Variants in TNFRSF19 observed in about 807,000 individuals in gnomAD.
TNFRSF19 encodes tumor necrosis factor receptor superfamily member 19.
Under a neutral mutation model 46.4 loss-of-function variants are expected in TNFRSF19, and 27 were observed. The ratio of observed to expected loss-of-function variants is 0.58; its 90% confidence interval spans 0.43 to 0.80. The LOEUF (loss-of-function observed/expected upper bound fraction) is 0.80. TNFRSF19 is among the 30% of genes least tolerant of loss of function. The pLI, the probability that TNFRSF19 is intolerant of heterozygous loss-of-function variation, is 0.00. For missense variants in TNFRSF19, 511 were observed against 530.8 expected (o/e 0.96, Z 0.37); for synonymous variants, 204 against 205.0 (o/e 1.00, Z 0.04).
chr13:23,610,994 C>T (rs957953260), intron 3 of TNFRSF19, among the ~76,000 whole-genome samples: 1 of 152,014 alleles, frequency 6.6e-6, no homozygotes, highest in African/African-American at 2.4e-5. Context: ...GCATTTCTAC[C>T]ATTGATATTA....
chr13:23,610,634 A>G (rs1318277680), intron 3 of TNFRSF19, among the ~76,000 whole-genome samples: 1 of 152,114 alleles, frequency 6.6e-6, no homozygotes, highest in Non-Finnish European at 1.5e-5. Flanking sequence ...TATTTAGGAA[A>G]TACTACCTTA....
chr13:23,654,173 T>A (rs896777426), intron 5 of TNFRSF19, among the ~76,000 whole-genome samples: 2 of 152,180 alleles, frequency 1.3e-5, no homozygotes, highest in African/African-American at 2.4e-5. Flanking sequence ...GGAAGAAGGA[T>A]GTTTTGTTGA....
At chr13:23,640,427 G>A (rs866510448) in intron 5 of TNFRSF19, among the ~76,000 whole-genome samples, 26 of 152,128 alleles carry the variant, frequency 1.7e-4, no homozygotes, top group Admixed American at 7.9e-4. Flanking sequence ...AGCCTTCCTC[G>A]ATGACTAACC....
intron 5 of TNFRSF19, among the ~76,000 whole-genome samples, chr13:23,633,170 T>G (rs1295431867): frequency 6.7e-6 from 1 of 148,664 alleles, no homozygotes; most frequent in Non-Finnish European, 1.5e-5. Flanking sequence ...AGTGCAGTGG[T>G]GCAATCACCA....
At chr13:23,657,129 A>G (rs1207924099) in intron 5 of TNFRSF19, among the ~76,000 whole-genome samples, 1 of 152,240 alleles carries the variant, frequency 6.6e-6, no homozygotes, top group Non-Finnish European at 1.5e-5. Context: ...AGCCTTATTC[A>G]TCTAAGCCCA....
At chr13:23,626,415 G>A (rs1882013581) in intron 4 of TNFRSF19, among the ~76,000 whole-genome samples, 1 of 152,120 alleles carries the variant, frequency 6.6e-6, no homozygotes, top group Non-Finnish European at 1.5e-5. Context: ...TGTCGTTTAA[G>A]TTTCAATAAA....
chr13:23,580,069 T>G (rs1375122548), intron 1 of TNFRSF19, among the ~76,000 whole-genome samples: 1 of 152,170 alleles, frequency 6.6e-6, no homozygotes, highest in Admixed American at 6.5e-5. Context: ...AGTATATTGA[T>G]GAGTAGAGCC....
At chr13:23,631,994 T>C (rs937285297) in intron 5 of TNFRSF19, among the ~76,000 whole-genome samples, 1 of 152,218 alleles carries the variant, frequency 6.6e-6, no homozygotes, top group Admixed American at 6.5e-5. Flanking sequence ...GAATGTCATG[T>C]GATTTTTACT....
At chr13:23,571,485 C>T (rs79729969) in intron 1 of TNFRSF19, among the ~76,000 whole-genome samples, 3,696 of 152,206 alleles carry the variant, frequency 0.024, 115 homozygotes, top group East Asian at 0.091. Context: ...AAAAATACTC[C>T]AGTGATTTTC....
intron 1 of TNFRSF19, among the ~76,000 whole-genome samples, chr13:23,571,630 T>A (rs1009248577): frequency 6.6e-6 from 1 of 152,194 alleles, no homozygotes; most frequent in Non-Finnish European, 1.5e-5. Flanking sequence ...ATGAAAACTA[T>A]CTGAGTAATC....
intron 1 of TNFRSF19, among the ~76,000 whole-genome samples, chr13:23,582,515 A>G (rs1432516558): frequency 6.6e-6 from 1 of 152,258 alleles, no homozygotes; most frequent in African/African-American, 2.4e-5. Flanking sequence ...AAATATTACA[A>G]TTATTACATG....
rs111664882 is a variant in TNFRSF19, at chr13:23,669,676, T to C, written c.1245+579T>C. 1.0e-5 allele frequency: 10 copies of C among 985,256 alleles called. No individual in the cohort carries two copies. The African/African-American group carries it at 1.0e-4, about 10-fold the overall frequency. The allele number at this position is 985,256 out of a possible 1,614,324, so 61.0% of individuals were successfully genotyped here. On this transcript the variant is annotated intron_variant, in intron 9 of 9. Coordinates refer to ENST00000248484, the MANE Select transcript of TNFRSF19 (RefSeq NM_148957.4). ...CCCTCTCAGGTGGAATGGTTTAAGATCAGGTTTGGGTGGAGCGAGGGTGGC... is the reference window on the plus strand; with the variant it reads ...CCCTCTCAGGTGGAATGGTTTAAGACCAGGTTTGGGTGGAGCGAGGGTGGC...
chr13:23,657,677 C>T (rs1301207667), intron 5 of TNFRSF19, among the ~76,000 whole-genome samples: 1 of 150,870 alleles, frequency 6.6e-6, no homozygotes, highest in East Asian at 1.9e-4. Context: ...TTAATTTTAC[C>T]TGTTTCTTCT....
intron 3 of TNFRSF19, among the ~76,000 whole-genome samples, chr13:23,605,829 A>C (rs1385300527): frequency 6.6e-6 from 1 of 152,230 alleles, no homozygotes; most frequent in East Asian, 1.9e-4. Flanking sequence ...ATATGTGGGC[A>C]TGGAAGATTT....
intron 3 of TNFRSF19, among the ~76,000 whole-genome samples, chr13:23,601,342 A>G (rs1025280337): frequency 6.6e-6 from 1 of 152,216 alleles, no homozygotes; most frequent in Non-Finnish European, 1.5e-5. Flanking sequence ...GCAGTGAAAC[A>G]TTTAAAGTAT....
intron 2 of TNFRSF19, 31 bp downstream of exon 2, chr13:23,590,283 A>G: frequency 7.3e-7 from 1 of 1,370,264 alleles, no homozygotes. Context: ...TTTCATAAGA[A>G]TGTGGTGAAA....
chr13:23,614,340 GTT>G (rs1881106267), intron 3 of TNFRSF19, among the ~76,000 whole-genome samples: 1 of 152,196 alleles, frequency 6.6e-6, no homozygotes, highest in African/African-American at 2.4e-5. Flanking sequence ...TTGTTGAGTA[GTT>G]TATTAAGTAC....
intron 3 of TNFRSF19, among the ~76,000 whole-genome samples, chr13:23,612,904 C>T (rs747758252): frequency 1.3e-5 from 2 of 152,084 alleles, no homozygotes; most frequent in Non-Finnish European, 2.9e-5. Context: ...GAGGAGGTGA[C>T]TTGGAGACAG....
intron 5 of TNFRSF19, among the ~76,000 whole-genome samples, chr13:23,643,334 G>A (rs762072687): frequency 3.9e-5 from 6 of 152,212 alleles, no homozygotes; most frequent in Non-Finnish European, 8.8e-5. Context: ...AGAGAGCTTT[G>A]ATTCATGTAA....
Sources: gnomAD v4.1 joint callset for allele counts (sites outside exome capture counted in the v4.1 genomes callset) on GRCh38, gnomAD v4.1.1 for gene constraint, MANE v1.5 for transcripts, NCBI Gene and HGNC (gene_info 2026-07-23, HGNC 2026-07-21) for gene names.